CCSER1: variants seen among roughly 807,000 people sequenced by gnomAD.
The protein encoded by CCSER1 is serine-rich coiled-coil domain-containing protein 1.
Under a neutral mutation model 82.0 loss-of-function variants are expected in CCSER1, and 41 were observed. That is an observed-to-expected ratio of 0.50 (90% CI 0.39 to 0.65). The LOEUF (loss-of-function observed/expected upper bound fraction) is 0.65. Among genes scored for constraint, CCSER1 ranks in the 30% least tolerant of loss-of-function variants. CCSER1 has a pLI of 0.00. For missense variants in CCSER1, 1,119 were observed against 1,064.2 expected, an observed-to-expected ratio of 1.05 and a Z score of -0.72; for synonymous variants, 414 against 383.9, an observed-to-expected ratio of 1.08 and a Z score of -0.92.
chr4:91,196,178 CAAAAAAAAA>C (rs61336014), intron 10 of CCSER1, among the ~76,000 whole-genome samples: 4 of 60,824 alleles, frequency 6.6e-5, no homozygotes, highest in East Asian at 7.4e-4. Context: ...AACAGCGAGA[CAAAAAAAAA>C]AAAAAAAAAA....
At chr4:90,626,957 A>G (rs1393896159) in intron 5 of CCSER1, among the ~76,000 whole-genome samples, 5 of 152,166 alleles carry the variant, frequency 3.3e-5, no homozygotes, top group African/African-American at 4.8e-5. Flanking sequence ...CTCCAAGAAA[A>G]GTTACTTATC....
chr4:90,751,347 G>A (rs1393843864), intron 7 of CCSER1, among the ~76,000 whole-genome samples: 1 of 152,052 alleles, frequency 6.6e-6, no homozygotes, highest in Admixed American at 6.6e-5. Context: ...TTTTTATGTG[G>A]TAAAAACAGC....
chr4:91,213,056 C>A (rs902098704), intron 10 of CCSER1, among the ~76,000 whole-genome samples: 1 of 152,132 alleles, frequency 6.6e-6, no homozygotes. Context: ...CATGTTATTG[C>A]AAATGACATG....
rs534330007 is a variant in CCSER1 at position 91,435,915 on chromosome 4, C to T, written c.2218-162657C>T. ...TGTGCTTATGTGATTACAACTGGAA[C>T]GCAACATCATAAGTAACTGACATAA... On this transcript the variant is annotated intron_variant, in intron 10 of 10. Transcript: ENST00000509176. 2.8e-4 allele frequency among the ~76,000 whole-genome samples: 42 copies of T among 152,264 alleles called. No homozygotes were observed. In the South Asian group the frequency reaches 6.8e-3, roughly 25 times the overall value.
chr4:90,731,378 T>C (rs1744710307), intron 7 of CCSER1, among the ~76,000 whole-genome samples: 1 of 152,172 alleles, frequency 6.6e-6, no homozygotes. Flanking sequence ...ATGTTGGTTT[T>C]GCAGGGGATA....
rs75654983 is a variant in CCSER1 at position 91,260,207 on chromosome 4, C to T, written c.2217+174213C>T. ...TACACTTTCTCCTTAAAAATAATAG[C>T]ACACTGATTAAGCAATAGAAAGCTG... is the stretch of plus-strand genomic sequence containing the variant. On this transcript the variant is annotated intron_variant, in intron 10 of 10. Coordinates refer to ENST00000509176, the MANE Select transcript of CCSER1 (RefSeq NM_001145065.2). 9.7e-3 allele frequency among the ~76,000 whole-genome samples: 1,477 copies of T among 152,220 alleles called. 27 individuals are homozygous for T. Among genetic ancestry groups the T allele is most frequent in the African/African-American group, 0.033 (1,358 of 41,508 alleles).
chr4:90,183,946 A>G (rs973508580), intron 1 of CCSER1, among the ~76,000 whole-genome samples: 2 of 152,124 alleles, frequency 1.3e-5, no homozygotes, highest in Non-Finnish European at 2.9e-5. Context: ...AAAATTTTAG[A>G]TGTATGTTGC....
At chr4:90,687,958 T>C (rs1226119847) in intron 6 of CCSER1, among the ~76,000 whole-genome samples, 1 of 152,134 alleles carries the variant, frequency 6.6e-6, no homozygotes, top group Non-Finnish European at 1.5e-5. Context: ...CCCAGTCACC[T>C]TTGTTAAGGT....
At chr4:91,439,238 C>A (rs561471252) in intron 10 of CCSER1, among the ~76,000 whole-genome samples, 1 of 152,086 alleles carries the variant, frequency 6.6e-6, no homozygotes, top group Non-Finnish European at 1.5e-5. Flanking sequence ...AGAGAAAGGT[C>A]GGGTTACCCC....
At chr4:90,312,207 A>T in intron 2 of CCSER1, among the ~76,000 whole-genome samples, 1 of 152,202 alleles carries the variant, frequency 6.6e-6, no homozygotes, top group East Asian at 1.9e-4. Context: ...CATGCCAGTG[A>T]TGTACCAGAG....
intron 10 of CCSER1, among the ~76,000 whole-genome samples, chr4:91,120,430 A>G (rs1561564352): frequency 6.6e-6 from 1 of 152,012 alleles, no homozygotes; most frequent in African/African-American, 2.4e-5. Context: ...TCCACCTCTT[A>G]GAGATTACTT....
chr4:90,350,637 C>A (rs999820395), intron 3 of CCSER1, among the ~76,000 whole-genome samples: 5 of 151,874 alleles, frequency 3.3e-5, no homozygotes, highest in African/African-American at 1.2e-4. Flanking sequence ...TATATTCAAA[C>A]AAAAAGTATT....
intron 10 of CCSER1, among the ~76,000 whole-genome samples, chr4:91,095,433 T>TGCCTG (rs1724408256): frequency 6.6e-6 from 1 of 152,312 alleles, no homozygotes; most frequent in African/African-American, 2.4e-5. Context: ...ATCAGTGTTC[T>TGCCTG]GCCTGGCCTG....
chr4:90,305,767 A>G (rs1203863419), intron 1 of CCSER1, among the ~76,000 whole-genome samples: 2 of 152,340 alleles, frequency 1.3e-5, no homozygotes, highest in Non-Finnish European at 2.9e-5. Context: ...GGAACACAGT[A>G]TGGAGGTTCC....
chr4:91,454,922 G>A (rs949211812), intron 10 of CCSER1, among the ~76,000 whole-genome samples: 1 of 151,904 alleles, frequency 6.6e-6, no homozygotes, highest in Non-Finnish European at 1.5e-5. Context: ...TTTGTCACCA[G>A]TGGCAGTTTC....
At chr4:90,986,283 A>G (rs1736573046) in intron 9 of CCSER1, among the ~76,000 whole-genome samples, 1 of 151,742 alleles carries the variant, frequency 6.6e-6, no homozygotes, top group Non-Finnish European at 1.5e-5. Flanking sequence ...CTGATGTTTC[A>G]TATTCAAAAC....
chr4:90,600,981 TC>T (rs1452362470), intron 5 of CCSER1, among the ~76,000 whole-genome samples: 1 of 150,230 alleles, frequency 6.7e-6, no homozygotes, highest in Non-Finnish European at 1.5e-5. Flanking sequence ...TCTATTTTTT[TC>T]ATTGCTAATG....
chr4:90,434,670 T>C (rs1758768810), intron 4 of CCSER1, among the ~76,000 whole-genome samples: 1 of 152,066 alleles, frequency 6.6e-6, no homozygotes, highest in Non-Finnish European at 1.5e-5. Flanking sequence ...CAGTTTGGTG[T>C]GATGAGAAAG....
intron 10 of CCSER1, among the ~76,000 whole-genome samples, chr4:91,571,530 G>A (rs1199594938): frequency 6.6e-6 from 1 of 152,196 alleles, no homozygotes; most frequent in Admixed American, 6.5e-5. Context: ...GGCAGCAGGA[G>A]TGAGAATGAA....
Sources: gnomAD v4.1 joint callset for allele counts (sites outside exome capture counted in the v4.1 genomes callset) on GRCh38, gnomAD v4.1.1 for gene constraint, MANE v1.5 for transcripts, NCBI Gene and HGNC (gene_info 2026-07-23, HGNC 2026-07-21) for gene names.